Variants in GOLM2 observed in about 807,000 individuals in gnomAD.
GOLM2 encodes protein GOLM2.
A neutral mutation model predicts 55.9 loss-of-function variants in GOLM2; 26 were observed. That is an observed-to-expected ratio of 0.47 (90% CI 0.34 to 0.65). GOLM2 has a LOEUF of 0.65. Among genes scored for constraint, GOLM2 ranks in the 30% least tolerant of loss-of-function variants. GOLM2 has a pLI of 0.01. For missense variants in GOLM2, 486 were observed against 531.8 expected, an observed-to-expected ratio of 0.91 and a Z score of 0.85; for synonymous variants, 165 against 194.6, an observed-to-expected ratio of 0.85 and a Z score of 1.27.
chr15:44,409,306 G>A (rs2079619260), intron 9 of GOLM2, among the ~76,000 whole-genome samples: 1 of 150,946 alleles, frequency 6.6e-6, no homozygotes, highest in Admixed American at 6.6e-5. Flanking sequence ...CCCAAAAAGT[G>A]GCTGGGCGCG....
intron 1 of GOLM2, among the ~76,000 whole-genome samples, chr15:44,303,440 T>C (rs909320945): frequency 1.3e-5 from 2 of 152,198 alleles, no homozygotes; most frequent in Non-Finnish European, 2.9e-5. Flanking sequence ...TAATATTTTA[T>C]TCATTTAGAA....
chr15:44,369,066 ATTATATATATATAT>A (rs1338803826), intron 6 of GOLM2, among the ~76,000 whole-genome samples: 5 of 60,096 alleles, frequency 8.3e-5, no homozygotes, highest in African/African-American at 3.0e-4. Flanking sequence ...AATAGGATAT[ATTATATATATATAT>A]ATATATATAT....
intron 4 of GOLM2, among the ~76,000 whole-genome samples, chr15:44,332,869 AT>A (rs2079031573): frequency 6.6e-6 from 1 of 152,128 alleles, no homozygotes; most frequent in Non-Finnish European, 1.5e-5. Context: ...GTTAATATGT[AT>A]TATGAAGATT....
At chr15:44,304,996 A>C (rs149759108) in intron 1 of GOLM2, among the ~76,000 whole-genome samples, 1 of 152,240 alleles carries the variant, frequency 6.6e-6, no homozygotes, top group East Asian at 1.9e-4. Flanking sequence ...GCCTTCTTCT[A>C]TGAATCACAA....
intron 1 of GOLM2, among the ~76,000 whole-genome samples, chr15:44,306,578 CACAATT>C: frequency 6.6e-6 from 1 of 152,292 alleles, no homozygotes; most frequent in Non-Finnish European, 1.5e-5. Flanking sequence ...CCTTTGCATT[CACAATT>C]TGGCTGTTTG....
chr15:44,342,585 T>C (rs2079097075), intron 6 of GOLM2, among the ~76,000 whole-genome samples: 1 of 152,232 alleles, frequency 6.6e-6, no homozygotes, highest in Admixed American at 6.5e-5. Context: ...TATTTGAAGC[T>C]CTTTAAACTA....
chr15:44,350,596 G>A (rs1351409902), intron 6 of GOLM2, among the ~76,000 whole-genome samples: 2 of 152,152 alleles, frequency 1.3e-5, no homozygotes, highest in Non-Finnish European at 2.9e-5. Flanking sequence ...AATAGAGGAG[G>A]AGGGAATACT....
At chr15:44,367,134 T>C (rs1377196144) in intron 6 of GOLM2, among the ~76,000 whole-genome samples, 1 of 151,994 alleles carries the variant, frequency 6.6e-6, no homozygotes, top group East Asian at 1.9e-4. Context: ...TTTGTTTATA[T>C]ATTGCCTATG....
chr15:44,314,819 G>C (rs1282080354), intron 1 of GOLM2, among the ~76,000 whole-genome samples: 1 of 152,164 alleles, frequency 6.6e-6, no homozygotes, highest in African/African-American at 2.4e-5. Context: ...GTAGGTATAT[G>C]ACTGAGGACA....
Position 44,379,716 on chromosome 15 carries a change from T to A in GOLM2, c.829T>A (p.Ser277Thr). ...PALRKPPISV[S>T]QHESHQAISH... ...TTTAAGGAAGCCTCCTATTTCAGTTTCTCAACATGAAAGTCATCAAGCAAT... is the reference window on the plus strand; with the variant it reads ...TTTAAGGAAGCCTCCTATTTCAGTTACTCAACATGAAAGTCATCAAGCAAT... Residue 277 changes from serine to threonine, a missense_variant, in exon 7 of 10, where the codon TCT becomes ACT. Ser to Thr is a moderately conservative substitution (Grantham distance 58). Coordinates refer to ENST00000299957, the MANE Select transcript of GOLM2 (RefSeq NM_138423.4). 1 of 1,610,154 alleles carries A rather than the reference T, an allele frequency of 6.2e-7. No individual in the cohort carries two copies. Among genetic ancestry groups the A allele is most frequent in the South Asian group, 1.1e-5 (1 of 90,932 alleles).
chr15:44,326,818 AT>A, intron 2 of GOLM2, among the ~76,000 whole-genome samples: 1 of 150,800 alleles, frequency 6.6e-6, no homozygotes, highest in East Asian at 2.0e-4. Context: ...CACCTGGCTA[AT>A]TTTTGTATTT....
chr15:44,308,017 A>C (rs897786118), intron 1 of GOLM2: 17 of 152,230 alleles, frequency 1.1e-4, no homozygotes, highest in African/African-American at 4.1e-4. Context: ...TGGGGCCAGA[A>C]TAATGATGAT....
chr15:44,403,784 A>G (rs2079581244), intron 9 of GOLM2, among the ~76,000 whole-genome samples: 2 of 152,356 alleles, frequency 1.3e-5, no homozygotes, highest in South Asian at 2.1e-4. Flanking sequence ...GAAAGCCACA[A>G]AGGGAATGGT....
intron 6 of GOLM2, among the ~76,000 whole-genome samples, chr15:44,370,859 C>G (rs568624449): frequency 2.6e-5 from 4 of 152,216 alleles, no homozygotes; most frequent in African/African-American, 9.6e-5. Flanking sequence ...CGAAGTCTCA[C>G]TATGTTTTAC....
chr15:44,364,576 TC>T (rs931219146), intron 6 of GOLM2, among the ~76,000 whole-genome samples: 1 of 151,724 alleles, frequency 6.6e-6, no homozygotes, highest in Non-Finnish European at 1.5e-5. Context: ...ATGCCTGTGT[TC>T]CCAGCTACTC....
intron 1 of GOLM2, among the ~76,000 whole-genome samples, chr15:44,298,674 G>A (rs544232389): frequency 2.4e-4 from 37 of 152,094 alleles, no homozygotes; most frequent in Middle Eastern, 3.4e-3. Context: ...TGTGAACTTC[G>A]TTTTCTCAAC....
At chr15:44,365,865 G>A (rs1225866556) in intron 6 of GOLM2, among the ~76,000 whole-genome samples, 1 of 152,154 alleles carries the variant, frequency 6.6e-6, no homozygotes, top group African/African-American at 2.4e-5. Flanking sequence ...GCCAGTGTAA[G>A]TTCATCAGTT....
chr15:44,352,771 TG>T (rs1178476965), intron 6 of GOLM2, among the ~76,000 whole-genome samples: 1 of 151,942 alleles, frequency 6.6e-6, no homozygotes, highest in Non-Finnish European at 1.5e-5. Flanking sequence ...CTGGGCATAG[TG>T]GCAGGCACCT....
At chr15:44,343,483 G>T (rs186829775) in intron 6 of GOLM2, among the ~76,000 whole-genome samples, 182 of 152,064 alleles carry the variant, frequency 1.2e-3, no homozygotes, top group Non-Finnish European at 2.1e-3. Flanking sequence ...TGTATATGTG[G>T]TGTCCTATTA....
Sources: allele counts gnomAD v4.1 joint callset (sites outside exome capture counted in the v4.1 genomes callset), GRCh38; gene constraint gnomAD v4.1.1; transcripts MANE v1.5; gene names NCBI Gene and HGNC (gene_info 2026-07-23, HGNC 2026-07-21).